The following CIROZ variants were observed in gnomAD, a reference collection of about 807,000 sequenced individuals.
CIROZ encodes ciliated left-right organizer protein containing ZP-N domains.
At chr1:10,973,567 C>T in the CIROZ span, among the ~76,000 whole-genome samples, 825 of 152,170 alleles carry the variant, frequency 5.4e-3, 10 homozygotes, top group African/African-American at 0.019. Flanking sequence ...TACAACCCCA[C>T]GAGGAAAGGG....
chr1:10,957,258 C>T, the CIROZ span, among the ~76,000 whole-genome samples: 3 of 152,256 alleles, frequency 2.0e-5, no homozygotes, highest in South Asian at 6.2e-4. Flanking sequence ...ATTATGGCGC[C>T]GATGCAACTA....
At chr1:10,981,314 G>A in the CIROZ span, among the ~76,000 whole-genome samples, 1 of 152,102 alleles carries the variant, frequency 6.6e-6, no homozygotes, top group Admixed American at 6.6e-5. Context: ...CCAAAGTGTG[G>A]TGGCACATGC....
the CIROZ span, among the ~76,000 whole-genome samples, chr1:10,977,411 A>AG: frequency 6.6e-6 from 1 of 152,148 alleles, no homozygotes; most frequent in Non-Finnish European, 1.5e-5. Flanking sequence ...TGAGCCCAGT[A>AG]GGCGGAGATT....
chr1:10,962,538 C>T, the CIROZ span, among the ~76,000 whole-genome samples: 1 of 152,154 alleles, frequency 6.6e-6, no homozygotes, highest in African/African-American at 2.4e-5. Flanking sequence ...GTTGGAAAAT[C>T]TGGCAAAATG....
chr1:10,971,985 A>G, the CIROZ span, among the ~76,000 whole-genome samples: 1 of 152,228 alleles, frequency 6.6e-6, no homozygotes, highest in Non-Finnish European at 1.5e-5. Context: ...GCTCCAGGAA[A>G]AGGCGTGAGT....
chr1:10,957,995 G>A, the CIROZ span, among the ~76,000 whole-genome samples: 19 of 152,184 alleles, frequency 1.2e-4, no homozygotes, highest in African/African-American at 4.1e-4. Context: ...GGTGTACAAC[G>A]CAACTGAAAG....
the CIROZ span, among the ~76,000 whole-genome samples, chr1:10,969,335 G>T: frequency 2.0e-5 from 3 of 151,992 alleles, no homozygotes; most frequent in Non-Finnish European, 4.4e-5. Context: ...TTCCAGGTAC[G>T]CTGAAGACAT....
the CIROZ span, chr1:10,948,365 T>C: frequency 6.2e-7 from 1 of 1,613,388 alleles, no homozygotes; most frequent in Admixed American, 1.7e-5. Context: ...GCCTCGCCAA[T>C]GGCTGGAACT....
chr1:10,978,329 G>A, the CIROZ span, among the ~76,000 whole-genome samples: 1 of 151,794 alleles, frequency 6.6e-6, no homozygotes, highest in Non-Finnish European at 1.5e-5. Context: ...GATTACAGGC[G>A]TGAGCCACTG....
chr1:10,972,039 G>A, the CIROZ span, among the ~76,000 whole-genome samples: 1 of 152,230 alleles, frequency 6.6e-6, no homozygotes, highest in Admixed American at 6.5e-5. Context: ...ACCTTGCCCT[G>A]TGCGTGGCAT....
chr1:10,947,557 C>T, the CIROZ span: 19 of 979,522 alleles, frequency 1.9e-5, no homozygotes, highest in African/African-American at 3.3e-5. Flanking sequence ...CCTGGAAAGA[C>T]GGCCCCCAGC....
At chr1:10,948,098 G>A in the CIROZ span, 4 of 1,613,502 alleles carry the variant, frequency 2.5e-6, no homozygotes, top group Non-Finnish European at 3.4e-6. Flanking sequence ...AACTCAGCCA[G>A]GCACTGGGGT....
chr1:10,976,944 G>A, the CIROZ span, among the ~76,000 whole-genome samples: 1 of 152,170 alleles, frequency 6.6e-6, no homozygotes, highest in Non-Finnish European at 1.5e-5. Context: ...GATGGCTTGA[G>A]CCCAGGAGTT....
the CIROZ span, among the ~76,000 whole-genome samples, chr1:10,950,066 A>C: frequency 8.2e-6 from 1 of 121,742 alleles, no homozygotes; most frequent in African/African-American, 3.4e-5. Context: ...ATGGAGTCTC[A>C]CTCTGTGGCC....
chr1:10,974,449 G>A, the CIROZ span, among the ~76,000 whole-genome samples: 6 of 152,264 alleles, frequency 3.9e-5, no homozygotes, highest in East Asian at 3.9e-4. The surrounding 1 kb of genome is among the most constrained non-coding windows in gnomAD (Gnocchi z 4.4). Flanking sequence ...CTGCAGAGAC[G>A]TCCGAAAGAC....
the CIROZ span, among the ~76,000 whole-genome samples, chr1:10,978,518 G>A: frequency 2.0e-5 from 3 of 151,864 alleles, no homozygotes; most frequent in Non-Finnish European, 4.4e-5. Context: ...AGACCAGCCT[G>A]GGCAAAATAG....
chr1:10,967,106 G>A, the CIROZ span, among the ~76,000 whole-genome samples: 1 of 148,824 alleles, frequency 6.7e-6, no homozygotes, highest in South Asian at 2.2e-4. Flanking sequence ...CCAAGATTGT[G>A]CCACTGCACT....
chr1:10,964,027 G>A, the CIROZ span: 37 of 1,443,552 alleles, frequency 2.6e-5, no homozygotes, highest in East Asian at 2.5e-4. Flanking sequence ...CCTGGGCCAC[G>A]TCCTGTGGTG....
At chr1:10,972,425 ACACACACACAC>A in the CIROZ span, among the ~76,000 whole-genome samples, 9 of 139,266 alleles carry the variant, frequency 6.5e-5, no homozygotes, top group African/African-American at 2.3e-4. Flanking sequence ...TGAAATACAC[ACACACACACAC>A]ACACACACAC....
Sources: allele counts gnomAD v4.1 joint callset (sites outside exome capture counted in the v4.1 genomes callset), GRCh38; gene constraint gnomAD v4.1.1; non-coding constraint Gnocchi (gnomAD v3.1); transcripts MANE v1.5; gene names NCBI Gene and HGNC (gene_info 2026-07-23, HGNC 2026-07-21).